SLC14A2: variants seen among roughly 807,000 people sequenced by gnomAD.
SLC14A2 encodes the protein urea transporter 2.
Under a neutral mutation model 104.6 loss-of-function variants are expected in SLC14A2, and 91 were observed. That is an observed-to-expected ratio of 0.87 (90% CI 0.73 to 1.04). SLC14A2 has a LOEUF of 1.04. Among genes scored for constraint, SLC14A2 ranks in the 50% least tolerant of loss-of-function variants. The pLI is 0.00. For synonymous variants in SLC14A2, 476 were observed against 466.4 expected (o/e 1.02, Z -0.27); for missense variants, 1,189 against 1,156.0 (o/e 1.03, Z -0.41).
At chr18:45,424,046 G>A (rs1335000592) in intron 1 of SLC14A2, 1 of 152,216 alleles carries the variant, frequency 6.6e-6, no homozygotes, top group Non-Finnish European at 1.5e-5. Context: ...TGCCACTCTT[G>A]GGACTGGCTT....
At chr18:45,298,144 T>TAA (rs1568140877) in intron 1 of SLC14A2, among the ~76,000 whole-genome samples, 4 of 146,514 alleles carry the variant, frequency 2.7e-5, no homozygotes, top group African/African-American at 7.6e-5. Flanking sequence ...AAGCATCTTT[T>TAA]TAAAAAAATA....
chr18:45,555,756 G>A (rs571529074), intron 2 of SLC14A2, among the ~76,000 whole-genome samples: 5 of 152,318 alleles, frequency 3.3e-5, no homozygotes, highest in Admixed American at 3.3e-4. Context: ...TTCCCTCATG[G>A]AGACAGATCA....
intron 1 of SLC14A2, among the ~76,000 whole-genome samples, chr18:45,219,518 G>A (rs945987968): frequency 3.3e-5 from 5 of 152,136 alleles, no homozygotes; most frequent in Non-Finnish European, 5.9e-5. Flanking sequence ...AAAGGCGAAC[G>A]GTTATCAAAG....
At chr18:45,247,272 A>G (rs553481464) in intron 1 of SLC14A2, among the ~76,000 whole-genome samples, 41 of 152,374 alleles carry the variant, frequency 2.7e-4, no homozygotes, top group Middle Eastern at 3.4e-3. Flanking sequence ...TTCTTTCTTT[A>G]GAAAAATTGA....
rs181006699 is a variant in SLC14A2, at chr18:45,289,313, A to T, written c.-125+76122A>T. 4.2e-4 allele frequency among the ~76,000 whole-genome samples: 64 copies of T among 152,220 alleles called. 4 individuals carry two copies. In the East Asian group the frequency reaches 6.0e-3, roughly 14 times the overall value. ...GGAGGCAGTGAGGGGGCTGCTGAAC[A>T]ACTCAAGCAAAGGAGAGCTGGCACC... On this transcript the variant is annotated intron_variant, in intron 1 of 20. Coordinates refer to the SLC14A2 transcript ENST00000586448.
intron 2 of SLC14A2, among the ~76,000 whole-genome samples, chr18:45,487,907 G>A (rs939544392): frequency 8.5e-5 from 13 of 152,108 alleles, no homozygotes; most frequent in South Asian, 2.1e-4. Context: ...TTTCTTCTCC[G>A]AGGTCAACTC....
In SLC14A2 at chr18:45,324,071, T is replaced by A. The variant is rs79769935; in HGVS notation, c.-125+110880T>A. Among the ~76,000 whole-genome samples, 70 of 152,332 alleles carry A rather than the reference T, an allele frequency of 4.6e-4. No individual in the cohort carries two copies. The East Asian group carries it at 0.012, about 26-fold the overall frequency. On this transcript the variant is annotated intron_variant, in intron 1 of 20. Coordinates refer to the SLC14A2 transcript ENST00000586448. ...CCTTTCTTTAGTGGCTTGTGGGGTATATGCCCATCTATTAAATTGGAGTAA... is the reference window on the plus strand; with the variant it reads ...CCTTTCTTTAGTGGCTTGTGGGGTAAATGCCCATCTATTAAATTGGAGTAA...
chr18:45,415,578 A>G (rs896751350), intron 1 of SLC14A2, among the ~76,000 whole-genome samples: 13 of 152,152 alleles, frequency 8.5e-5, no homozygotes, highest in Non-Finnish European at 1.5e-4. Flanking sequence ...TACCACTTCA[A>G]TGGGCTCAAC....
chr18:45,305,173 A>C (rs373662335), intron 1 of SLC14A2, among the ~76,000 whole-genome samples: 4 of 152,218 alleles, frequency 2.6e-5, no homozygotes, highest in East Asian at 3.9e-4. Flanking sequence ...TCTAGGTGAG[A>C]GGTAGGGCAG....
rs2084662273 is a variant in SLC14A2, at chr18:45,272,628, G to C, written c.-125+59437G>C. ...CTGGGAAGGGTAATGGGAGGTTGAGGGGTAGATGAGGATGGTTAATGGGTA... is the reference window on the plus strand; with the variant it reads ...CTGGGAAGGGTAATGGGAGGTTGAGCGGTAGATGAGGATGGTTAATGGGTA... On this transcript the variant is annotated intron_variant, in intron 1 of 20. Transcript: ENST00000586448. 2.0e-5 allele frequency among the ~76,000 whole-genome samples: 3 copies of C among 151,944 alleles called. No homozygotes were observed. In the South Asian group the frequency reaches 6.2e-4, roughly 32 times the overall value.
intron 4 of SLC14A2, among the ~76,000 whole-genome samples, chr18:45,631,451 T>C (rs2045344554): frequency 6.6e-6 from 1 of 152,234 alleles, no homozygotes; most frequent in Admixed American, 6.5e-5. Flanking sequence ...TGTAGGTGCA[T>C]ACACCAGCTT....
At chr18:45,186,551 G>T in the SLC14A2 span, among the ~76,000 whole-genome samples, 1 of 152,154 alleles carries the variant, frequency 6.6e-6, no homozygotes, top group East Asian at 1.9e-4. Context: ...AGACAGCCAG[G>T]AAGTCCTCAT....
At chr18:45,611,160 C>T (rs568886033), upstream of SLC14A2, among the ~76,000 whole-genome samples, 3 of 152,232 alleles carry the variant, frequency 2.0e-5, no homozygotes, top group South Asian at 6.2e-4. Context: ...CCAAACACCC[C>T]CATTCTGACT....
intron 1 of SLC14A2, among the ~76,000 whole-genome samples, chr18:45,364,722 T>C (rs1021577426): frequency 6.6e-6 from 1 of 152,216 alleles, no homozygotes; most frequent in Non-Finnish European, 1.5e-5. Flanking sequence ...CGTTTTAGAA[T>C]AGTGCTTGGC....
At chr18:45,634,679 G>A (rs905355345) in intron 5 of SLC14A2, 2 of 369,084 alleles carry the variant, frequency 5.4e-6, no homozygotes, top group South Asian at 2.0e-5. Flanking sequence ...GCAGGTACTC[G>A]ATGAGAGTCA....
chr18:45,498,660 C>A (rs985858274), intron 2 of SLC14A2, among the ~76,000 whole-genome samples: 1 of 152,286 alleles, frequency 6.6e-6, no homozygotes, highest in South Asian at 2.1e-4. Context: ...TCATCTCCTC[C>A]TGTCTCCTAA....
At chr18:45,314,114 GC>G (rs1190309063) in intron 1 of SLC14A2, among the ~76,000 whole-genome samples, 1 of 152,222 alleles carries the variant, frequency 6.6e-6, no homozygotes, top group African/African-American at 2.4e-5. Flanking sequence ...AGCAGAAGAG[GC>G]CAGATGTGGT....
At chr18:45,537,065 C>CCCTTCCTTCCTT (rs1228820306) in intron 2 of SLC14A2, among the ~76,000 whole-genome samples, 1 of 97,654 alleles carries the variant, frequency 1.0e-5, no homozygotes, top group Non-Finnish European at 2.1e-5. Context: ...CTCCCTCCCT[C>CCCTTCCTTCCTT]CCTTCCTTCC....
intron 2 of SLC14A2, among the ~76,000 whole-genome samples, chr18:45,542,067 T>TGC (rs2043897215): frequency 7.3e-6 from 1 of 137,686 alleles, no homozygotes; most frequent in Admixed American, 7.5e-5. Flanking sequence ...TTTTTTTTTT[T>TGC]TTTTTGCTTT....
Sources: allele counts gnomAD v4.1 joint callset (sites outside exome capture counted in the v4.1 genomes callset), GRCh38; gene constraint gnomAD v4.1.1; transcripts MANE v1.5; gene names NCBI Gene and HGNC (gene_info 2026-07-23, HGNC 2026-07-21).